Variants in INTS7 observed in about 807,000 individuals in gnomAD.
INTS7 encodes chromosome 1 open reading frame 73.
Under a neutral mutation model 109.2 loss-of-function variants are expected in INTS7, and 46 were observed. That is an observed-to-expected ratio of 0.42 (90% CI 0.33 to 0.54). The LOEUF (loss-of-function observed/expected upper bound fraction) is 0.54, where lower values mean the gene tolerates loss of function less well. INTS7 is among the 20% of genes least tolerant of loss of function. INTS7 has a pLI of 0.07. For synonymous variants in INTS7, 412 were observed against 402.9 expected (o/e 1.02, Z -0.27); for missense variants, 929 against 1,132.4 (o/e 0.82, Z 2.58).
intron 16 of INTS7, among the ~76,000 whole-genome samples, chr1:211,954,749 G>C (rs1401241595): frequency 6.6e-6 from 1 of 152,170 alleles, no homozygotes; most frequent in Non-Finnish European, 1.5e-5. Context: ...CTGTTCCATT[G>C]ATCTACATCT....
intron 1 of INTS7, among the ~76,000 whole-genome samples, chr1:212,022,755 TTTTA>T (rs754871363): frequency 2.0e-5 from 3 of 152,228 alleles, no homozygotes; most frequent in Non-Finnish European, 4.4e-5. Flanking sequence ...TTCATTTTTC[TTTTA>T]TTTTAGATTC....
rs766076026 is a variant in INTS7 at position 211,975,192 on chromosome 1, A to G, written c.1789T>C (p.Tyr597His). 1.2e-6 allele frequency: 2 copies of G among 1,613,458 alleles called. No homozygotes were observed. The highest frequency in any genetic ancestry group is 1.7e-5 in the Admixed American group (1 of 60,026). ...GTTAAGGAAGCAATCCCTTTGTGAT[A>G]GAATTTTAAAGATTCAGCAATGCAA... ...LSCIAESLKF[Y>H]HKGIASLTAA... The change falls in exon 13 of 20, where the codon TAT becomes CAT. Residue 597 changes from tyrosine (Y) to histidine (H), a missense_variant. Transcript: ENST00000366994.
intron 16 of INTS7, among the ~76,000 whole-genome samples, chr1:211,964,667 A>G (rs28836908): frequency 1.3e-5 from 2 of 152,186 alleles, no homozygotes; most frequent in Non-Finnish European, 2.9e-5. Context: ...ACAAGGCCAC[A>G]CACTCCTACA....
At chr1:211,943,270 A>G (rs1217901147) in intron 19 of INTS7, among the ~76,000 whole-genome samples, 1 of 151,842 alleles carries the variant, frequency 6.6e-6, no homozygotes, top group Non-Finnish European at 1.5e-5. Context: ...GGCTTATTAT[A>G]TCAGCTTCCT....
intron 1 of INTS7, among the ~76,000 whole-genome samples, chr1:212,033,024 G>A (rs780234636): frequency 2.0e-5 from 3 of 152,082 alleles, no homozygotes; most frequent in African/African-American, 7.2e-5. Context: ...CTATATTTGC[G>A]GAGTGTCTGC....
intron 10 of INTS7, 114 bp from the exon 11 acceptor site, chr1:211,978,625 G>T: frequency 9.0e-7 from 1 of 1,117,028 alleles, no homozygotes. Context: ...TTTCTTGTAG[G>T]CATAACATTT....
At chr1:212,030,878 T>G (rs1667132143) in intron 1 of INTS7, 1 of 152,250 alleles carries the variant, frequency 6.6e-6, no homozygotes, top group African/African-American at 2.4e-5. Flanking sequence ...TGGTCTTTCT[T>G]GACAAACTTT....
Position 212,020,265 on chromosome 1 carries a change from A to ATTTCTGGTT in INTS7, c.227_228insAACCAGAAA (p.Gly75_Asn76insLysThrArg). 1 of 1,554,930 alleles carries ATTTCTGGTT rather than the reference A, an allele frequency of 6.4e-7. No homozygotes were observed. Among genetic ancestry groups the ATTTCTGGTT allele is most frequent in the Non-Finnish European group, 8.7e-7 (1 of 1,147,346 alleles). On this transcript the variant is annotated inframe_insertion, in exon 3 of 20. Transcript: ENST00000366994. ...TAAGAACACATAGCCTCAGGAAATT[A>ATTTCTGGTT]TTTCTAGAAAAACCAGAAATAAATT... is the stretch of plus-strand genomic sequence containing the variant.
rs777410631 is a variant in INTS7, at chr1:211,959,482, G to A, written c.2184-6781C>T. On this transcript the variant is annotated intron_variant, in intron 16 of 19. Transcript: ENST00000366994. This position sits in a 1 kb window ranked among gnomAD's most constrained non-coding sequence, Gnocchi z 4.2. ...GCGGCCCAGCATGTGGACATGGGCC[G>A]GCTCACCTGCTCCCTCCCCGTACTG... Among the ~76,000 whole-genome samples the A allele has an allele frequency of 6.6e-5, 10 of 152,242 alleles. No individual in the cohort carries two copies. The highest frequency in any genetic ancestry group is 1.0e-4 in the Non-Finnish European group (7 of 67,990).
At chr1:211,972,409 T>G (rs1480722991) in intron 13 of INTS7, among the ~76,000 whole-genome samples, 1 of 152,180 alleles carries the variant, frequency 6.6e-6, no homozygotes, top group East Asian at 1.9e-4. Flanking sequence ...TGCTCCAAAA[T>G]CTGAAACTGA....
intron 17 of INTS7, among the ~76,000 whole-genome samples, chr1:211,948,555 C>G (rs1236230745): frequency 6.6e-6 from 1 of 152,188 alleles, no homozygotes; most frequent in Non-Finnish European, 1.5e-5. Flanking sequence ...TTGCAATACC[C>G]TCTTGGAAAA....
chr1:212,032,780 ACT>A (rs1270225172), intron 1 of INTS7, among the ~76,000 whole-genome samples: 1 of 151,826 alleles, frequency 6.6e-6, no homozygotes, highest in Middle Eastern at 3.2e-3. Context: ...CGCCCGACTG[ACT>A]CTGGTTATCT....
intron 16 of INTS7, among the ~76,000 whole-genome samples, chr1:211,957,268 G>A (rs147168100): frequency 2.1e-4 from 32 of 152,144 alleles, no homozygotes; most frequent in African/African-American, 6.3e-4. Context: ...ATTGTCAGCC[G>A]GGCATGGTGT....
At chr1:211,966,035 ATAAT>A (rs1232343654) in intron 16 of INTS7, 1 of 156,396 alleles carries the variant, frequency 6.4e-6, no homozygotes, top group African/African-American at 2.4e-5. Flanking sequence ...ACTATTTTGA[ATAAT>A]TAATTAGTTA....
At chr1:212,013,834 G>T (rs1178681804) in intron 4 of INTS7, among the ~76,000 whole-genome samples, 1 of 152,154 alleles carries the variant, frequency 6.6e-6, no homozygotes, top group Non-Finnish European at 1.5e-5. Context: ...TATAACCTAG[G>T]TGTATAGTAG....
At chr1:211,973,228 G>A (rs373406710) in intron 13 of INTS7, among the ~76,000 whole-genome samples, 8 of 152,160 alleles carry the variant, frequency 5.3e-5, no homozygotes, top group East Asian at 1.9e-4. Context: ...TTACAGGCAT[G>A]AGCCCCCACG....
chr1:211,982,098 T>C (rs980791676), intron 9 of INTS7, among the ~76,000 whole-genome samples: 7 of 152,178 alleles, frequency 4.6e-5, no homozygotes, highest in African/African-American at 1.7e-4. Flanking sequence ...ACAGATGGAA[T>C]ATCCAAAATG....
intron 5 of INTS7, among the ~76,000 whole-genome samples, chr1:212,010,930 G>T (rs1666141627): frequency 6.6e-6 from 1 of 152,018 alleles, no homozygotes; most frequent in African/African-American, 2.4e-5. Flanking sequence ...TATCTGCATG[G>T]CTCACTCCTT....
intron 16 of INTS7, among the ~76,000 whole-genome samples, chr1:211,962,260 T>A (rs1207766567): frequency 3.4e-4 from 27 of 79,320 alleles, no homozygotes; most frequent in Non-Finnish European, 3.9e-4. Flanking sequence ...CAACAAAGAT[T>A]AAAAAAAAAA....
Sources: gnomAD v4.1 joint callset for allele counts (sites outside exome capture counted in the v4.1 genomes callset) on GRCh38, gnomAD v4.1.1 for gene constraint, Gnocchi (gnomAD v3.1) non-coding constraint, MANE v1.5 for transcripts, NCBI Gene and HGNC (gene_info 2026-07-23, HGNC 2026-07-21) for gene names.